Variants in DIAPH3 observed in about 807,000 individuals in gnomAD.
DIAPH3 encodes the protein protein diaphanous homolog 3.
DIAPH3 carries 117 observed loss-of-function variants against 144.3 expected under a neutral mutation model. That is an observed-to-expected ratio of 0.81 (90% CI 0.70 to 0.95). The LOEUF (loss-of-function observed/expected upper bound fraction) is 0.95, where lower values mean the gene tolerates loss of function less well. Among genes scored for constraint, DIAPH3 ranks in the 40% least tolerant of loss-of-function variants. The pLI, the probability that DIAPH3 is intolerant of heterozygous loss-of-function variation, is 0.00. For missense variants in DIAPH3, 1,421 were observed against 1,412.7 expected, an observed-to-expected ratio of 1.01 and a Z score of -0.09; for synonymous variants, 519 against 488.9, an observed-to-expected ratio of 1.06 and a Z score of -0.81.
intron 22 of DIAPH3, among the ~76,000 whole-genome samples, chr13:59,854,561 G>A (rs2043157569): frequency 6.6e-6 from 1 of 152,046 alleles, no homozygotes; most frequent in Admixed American, 6.5e-5. Flanking sequence ...AGGTTTCTTT[G>A]TAGTACACAG....
chr13:60,019,635 G>A (rs2141012125), intron 5 of DIAPH3, among the ~76,000 whole-genome samples: 1 of 151,652 alleles, frequency 6.6e-6, no homozygotes, highest in South Asian at 2.1e-4. Context: ...AGAGGGAGAG[G>A]GAGAACAGGT....
chr13:60,102,103 A>G (rs1022428635), intron 3 of DIAPH3, among the ~76,000 whole-genome samples: 3 of 152,122 alleles, frequency 2.0e-5, no homozygotes, highest in Non-Finnish European at 1.5e-5. Flanking sequence ...TTTTATTTGC[A>G]CACTACTATC....
chr13:59,987,485 A>AAG (rs1443064146), intron 12 of DIAPH3, among the ~76,000 whole-genome samples: 7 of 137,080 alleles, frequency 5.1e-5, no homozygotes, highest in African/African-American at 2.0e-4. Context: ...TAAAAAAAAA[A>AAG]AAAAGAAAAA....
At chr13:60,042,923 T>A in intron 4 of DIAPH3, 103 bp from the exon 5 acceptor site, 1 of 1,357,988 alleles carries the variant, frequency 7.4e-7, no homozygotes. Flanking sequence ...ACTACTATAA[T>A]TAACACTATT....
Position 59,665,688 on chromosome 13 carries a change from C to A in DIAPH3, c.*896G>T, listed in dbSNP as rs540050195. 8 of 152,646 alleles carry A rather than the reference C, an allele frequency of 5.2e-5. No homozygotes were observed. The allele number at this position is 152,646 out of a possible 1,614,324, so 9.5% of individuals were successfully genotyped here. A position where few individuals can be genotyped will look rare whatever the true frequency, so the allele number is the denominator to read the frequency against. ...TATTACATTTGCTTAGGAAAACTTT[C>A]CTTGAAACACTTATTTAGATCTTTG... On this transcript the variant is annotated 3_prime_UTR_variant, in exon 28 of 28. Coordinates refer to ENST00000400324, the MANE Select transcript of DIAPH3 (RefSeq NM_001042517.2).
intron 5 of DIAPH3, among the ~76,000 whole-genome samples, chr13:60,027,240 C>T (rs1361296684): frequency 3.9e-5 from 6 of 152,144 alleles, no homozygotes; most frequent in Admixed American, 2.6e-4. Context: ...CATTCAATGG[C>T]CCATCCACCC....
chr13:60,145,380 A>G (rs7320240), intron 1 of DIAPH3, among the ~76,000 whole-genome samples: 97,404 of 152,212 alleles, frequency 0.64, 31,640 homozygotes, highest in Admixed American at 0.73. Context: ...AACCAGGCGC[A>G]GTGGCTCACG....
At chr13:60,141,773 A>T (rs1293856169) in intron 1 of DIAPH3, among the ~76,000 whole-genome samples, 1 of 152,232 alleles carries the variant, frequency 6.6e-6, no homozygotes, top group African/African-American at 2.4e-5. Flanking sequence ...CAATAAGTAA[A>T]TTACTTATTT....
At chr13:59,850,262 C>G (rs1229546731) in intron 22 of DIAPH3, among the ~76,000 whole-genome samples, 1 of 150,780 alleles carries the variant, frequency 6.6e-6, no homozygotes, top group Admixed American at 6.6e-5. Context: ...ATGTCGTCTG[C>G]AAACAGGGAC....
intron 17 of DIAPH3, among the ~76,000 whole-genome samples, chr13:59,933,468 C>T (rs1458374440): frequency 1.3e-5 from 2 of 152,196 alleles, no homozygotes; most frequent in Non-Finnish European, 2.9e-5. Context: ...ACCCATGAAT[C>T]GGTGGAGCTA....
chr13:59,773,156 A>G (rs2038213249), intron 27 of DIAPH3, among the ~76,000 whole-genome samples: 1 of 152,164 alleles, frequency 6.6e-6, no homozygotes, highest in Non-Finnish European at 1.5e-5. Flanking sequence ...GGCAAGACAA[A>G]AACAACAAAA....
intron 20 of DIAPH3, among the ~76,000 whole-genome samples, chr13:59,897,726 C>T (rs1487453503): frequency 2.7e-5 from 4 of 147,678 alleles, no homozygotes; most frequent in African/African-American, 1.0e-4. Context: ...CCAGCCTGGG[C>T]AACAGGGTAA....
intron 4 of DIAPH3, among the ~76,000 whole-genome samples, chr13:60,056,455 T>C (rs1202372093): frequency 6.6e-6 from 1 of 151,798 alleles, no homozygotes; most frequent in African/African-American, 2.4e-5. Context: ...TATACACATA[T>C]CACATACATG....
At chr13:60,075,257 A>C (rs1371982169) in intron 4 of DIAPH3, among the ~76,000 whole-genome samples, 1 of 152,222 alleles carries the variant, frequency 6.6e-6, no homozygotes, top group East Asian at 1.9e-4. Flanking sequence ...TTGACATGAA[A>C]TAAACTTCTT....
intron 27 of DIAPH3, among the ~76,000 whole-genome samples, chr13:59,758,289 T>C (rs1269955581): frequency 6.6e-6 from 1 of 152,198 alleles, no homozygotes; most frequent in Non-Finnish European, 1.5e-5. Flanking sequence ...GGTTCAAATC[T>C]AGATACAACA....
At chr13:59,993,347 T>C (rs998556171) in intron 9 of DIAPH3, among the ~76,000 whole-genome samples, 5 of 151,888 alleles carry the variant, frequency 3.3e-5, no homozygotes, top group Non-Finnish European at 7.4e-5. Context: ...AAAGACAGTC[T>C]TTCTAGAGAA....
chr13:59,671,685 G>A (rs1201062033), intron 27 of DIAPH3, among the ~76,000 whole-genome samples: 1 of 152,160 alleles, frequency 6.6e-6, no homozygotes, highest in Non-Finnish European at 1.5e-5. Flanking sequence ...AAATAAACAC[G>A]ATGAGAATAC....
At chr13:59,961,237 A>G (rs1360546377) in intron 17 of DIAPH3, among the ~76,000 whole-genome samples, 1 of 152,216 alleles carries the variant, frequency 6.6e-6, no homozygotes, top group Non-Finnish European at 1.5e-5. Context: ...AAGTTCAGCT[A>G]ACATTTCCTG....
At chr13:59,777,021 A>T (rs2139298748) in intron 25 of DIAPH3, among the ~76,000 whole-genome samples, 1 of 152,296 alleles carries the variant, frequency 6.6e-6, no homozygotes, top group Non-Finnish European at 1.5e-5. Context: ...AGCTACCGTT[A>T]CTAGTCCTAA....
Sources: gnomAD v4.1 joint callset for allele counts (sites outside exome capture counted in the v4.1 genomes callset) on GRCh38, gnomAD v4.1.1 for gene constraint, MANE v1.5 for transcripts, NCBI Gene and HGNC (gene_info 2026-07-23, HGNC 2026-07-21) for gene names.